The following UGT2B4 variants were observed in gnomAD, a reference collection of about 807,000 sequenced individuals.
UGT2B4 encodes the protein UDP-glucuronosyltransferase 2B4.
Under a neutral mutation model 49.8 loss-of-function variants are expected in UGT2B4, and 49 were observed. The observed-to-expected ratio is 0.98, with a 90% confidence interval of 0.78 to 1.25. The LOEUF is 1.25. UGT2B4 is among the 50% of genes most tolerant of loss of function. The pLI, the probability that UGT2B4 is intolerant of heterozygous loss-of-function variation, is 0.00. For missense variants in UGT2B4, 729 were observed against 627.7 expected (o/e 1.16, Z -1.73); for synonymous variants, 246 against 217.7 (o/e 1.13, Z -1.14).
chr4:69,486,210 A>G (rs1727775929), intron 4 of UGT2B4, among the ~76,000 whole-genome samples: 1 of 152,158 alleles, frequency 6.6e-6, no homozygotes, highest in Non-Finnish European at 1.5e-5. Flanking sequence ...AAGATTAGGG[A>G]TTTAATCCTA....
chr4:69,495,981 C>T, upstream of UGT2B4: 2 of 1,444,470 alleles, frequency 1.4e-6, no homozygotes. Flanking sequence ...AAAGTAAATA[C>T]ATTATATTAA....
intron 5 of UGT2B4, among the ~76,000 whole-genome samples, chr4:69,484,291 T>C (rs1054739355): frequency 6.6e-6 from 1 of 152,174 alleles, no homozygotes; most frequent in African/African-American, 2.4e-5. Context: ...ATTCCACGTC[T>C]AGTATCTACC....
At chr4:69,501,929 G>T (rs529069595) in intron 1 of UGT2B4, among the ~76,000 whole-genome samples, 2 of 152,064 alleles carry the variant, frequency 1.3e-5, no homozygotes, top group Non-Finnish European at 2.9e-5. Flanking sequence ...TTCCTGACCC[G>T]AGGGTTGCAG....
At chr4:69,520,585 G>T (rs901932263) in intron 1 of UGT2B4, among the ~76,000 whole-genome samples, 3 of 152,228 alleles carry the variant, frequency 2.0e-5, no homozygotes, top group African/African-American at 2.4e-5. Flanking sequence ...AACCCAGTCT[G>T]GGGTAGAGCA....
intron 3 of UGT2B4, among the ~76,000 whole-genome samples, chr4:69,487,208 A>C (rs528339310): frequency 6.6e-6 from 1 of 152,310 alleles, no homozygotes; most frequent in African/African-American, 2.4e-5. Context: ...AATACCATTC[A>C]ACCCAGCAAT....
intron 1 of UGT2B4, among the ~76,000 whole-genome samples, chr4:69,521,207 G>A (rs1382918910): frequency 6.6e-6 from 1 of 152,170 alleles, no homozygotes; most frequent in Non-Finnish European, 1.5e-5. Context: ...AAGAACTCAG[G>A]AACCACCTAA....
chr4:69,519,415 A>T (rs984530992), intron 1 of UGT2B4, among the ~76,000 whole-genome samples: 1 of 152,202 alleles, frequency 6.6e-6, no homozygotes, highest in Non-Finnish European at 1.5e-5. Flanking sequence ...TCAGAAAAAA[A>T]ATATAGAAAA....
chr4:69,506,395 A>G (rs1002754443), intron 1 of UGT2B4, among the ~76,000 whole-genome samples: 3 of 152,170 alleles, frequency 2.0e-5, no homozygotes, highest in Non-Finnish European at 4.4e-5. Flanking sequence ...CAAGGAGGAG[A>G]TTAGCACAGA....
intron 1 of UGT2B4, among the ~76,000 whole-genome samples, chr4:69,515,451 T>G (rs1040724330): frequency 1.3e-5 from 2 of 151,982 alleles, no homozygotes; most frequent in Middle Eastern, 3.2e-3. Flanking sequence ...AGTTAATGAG[T>G]TCTTTAACTA....
At chr4:69,520,028 G>A (rs1269089444) in intron 1 of UGT2B4, among the ~76,000 whole-genome samples, 1 of 152,008 alleles carries the variant, frequency 6.6e-6, no homozygotes, top group African/African-American at 2.4e-5. Flanking sequence ...TTTATGTTTA[G>A]AAACTACACA....
chr4:69,490,897 G>A (rs1446888683), intron 2 of UGT2B4, among the ~76,000 whole-genome samples: 1 of 152,084 alleles, frequency 6.6e-6, no homozygotes, highest in Non-Finnish European at 1.5e-5. Context: ...CATCCACCCA[G>A]TGTTAAAGTA....
At chr4:69,484,499 A>G (rs1339683110) in intron 5 of UGT2B4, among the ~76,000 whole-genome samples, 5 of 152,212 alleles carry the variant, frequency 3.3e-5, no homozygotes, top group Admixed American at 1.3e-4. Flanking sequence ...CCATAAAAAA[A>G]CAACAAAAAC....
rs755043672 is a variant in UGT2B4, at chr4:69,495,879, C to T, written c.-18G>A. The T allele has an allele frequency of 3.2e-6, 5 of 1,556,740 alleles. No individual in the cohort carries two copies. Among genetic ancestry groups the T allele is most frequent in the Non-Finnish European group, 4.3e-6 (5 of 1,155,042 alleles). On this transcript the variant is annotated 5_prime_UTR_variant, in exon 1 of 6. Coordinates refer to ENST00000305107, the MANE Select transcript of UGT2B4 (RefSeq NM_021139.3). ...ATAGACATCCTGATGCAATGCAATGCTTGTTTTCCAGTTGCTGCTCCTTTC... is the reference window on the plus strand; with the variant it reads ...ATAGACATCCTGATGCAATGCAATGTTTGTTTTCCAGTTGCTGCTCCTTTC...
Position 69,480,439 on chromosome 4 carries a change from A to T in UGT2B4, c.*195T>A, listed in dbSNP as rs367718795. 1 of 729,870 alleles carries T rather than the reference A, an allele frequency of 1.4e-6. No homozygotes were observed. Among genetic ancestry groups the T allele is most frequent in the Non-Finnish European group, 2.1e-6 (1 of 470,922 alleles). The allele number at this position is 729,870 out of a possible 1,614,324, so 45.2% of individuals were successfully genotyped here. A position where few individuals can be genotyped will look rare whatever the true frequency, so the allele number is the denominator to read the frequency against. The stretch of plus-strand genomic sequence containing the variant: ...GCTTTATATCATTTTTGTTTTCCCT[A>T]ATGTTTTCCTCCTTGACATGAAATA... On this transcript the variant is annotated 3_prime_UTR_variant, in exon 6 of 6. Transcript: ENST00000305107.
chr4:69,525,501 C>G (rs1394941995), intron 1 of UGT2B4, among the ~76,000 whole-genome samples: 1 of 151,980 alleles, frequency 6.6e-6, no homozygotes, highest in African/African-American at 2.4e-5. Context: ...AATTTGTGTT[C>G]CTTCAGAGCT....
rs554985331 is a variant in UGT2B4 at position 69,492,383 on chromosome 4, A to G, written c.870+1310T>C. On this transcript the variant is annotated intron_variant, in intron 2 of 5. Coordinates refer to ENST00000305107, the MANE Select transcript of UGT2B4 (RefSeq NM_021139.3). ...TCTGGCTGCAAATACTAATAGAATC[A>G]CACATTTATATCGGTAAGGGATTAT... Among the ~76,000 whole-genome samples, 237 of 152,232 alleles carry G rather than the reference A, an allele frequency of 1.6e-3. 1 individual carries two copies. Among genetic ancestry groups the G allele is most frequent in the Non-Finnish European group, 2.6e-3 (179 of 67,974 alleles).
At chr4:69,489,209 AT>A (rs2109808365) in intron 3 of UGT2B4, among the ~76,000 whole-genome samples, 1 of 152,268 alleles carries the variant, frequency 6.6e-6, no homozygotes, top group East Asian at 1.9e-4. Context: ...TCTTAATTGT[AT>A]TTATTCCTGA....
upstream of UGT2B4, among the ~76,000 whole-genome samples, chr4:69,499,109 T>G (rs1728237387): frequency 6.6e-6 from 1 of 152,220 alleles, no homozygotes; most frequent in Admixed American, 6.5e-5. Flanking sequence ...TCTGCCTTAA[T>G]TTCATTACTT....
intron 1 of UGT2B4, 134 bp from the exon 2 acceptor site, chr4:69,493,975 C>T (rs41300000): frequency 1.7e-5 from 16 of 949,458 alleles, no homozygotes; most frequent in South Asian, 8.0e-5. Flanking sequence ...TACATATATT[C>T]GTATATAGGC....
Sources: allele counts gnomAD v4.1 joint callset (sites outside exome capture counted in the v4.1 genomes callset), GRCh38; gene constraint gnomAD v4.1.1; transcripts MANE v1.5; gene names NCBI Gene and HGNC (gene_info 2026-07-23, HGNC 2026-07-21).